The following TENT5D variants were observed in gnomAD, a reference collection of about 807,000 sequenced individuals.
TENT5D encodes the protein cancer/testis antigen 112.
For synonymous variants in TENT5D, 103 were observed against 100.6 expected, an observed-to-expected ratio of 1.02 and a Z score of -0.15; for missense variants, 191 against 287.0, an observed-to-expected ratio of 0.67 and a Z score of 2.42.
At chrX:80,347,986 T>A (rs755008252) in intron 3 of TENT5D, among the ~76,000 whole-genome samples, 1 of 111,577 alleles carries the variant, frequency 9.0e-6, no homozygotes, top group East Asian at 2.8e-4. Context: ...TGGTTGTAGA[T>A]GTGTGGTGTT....
intron 3 of TENT5D, among the ~76,000 whole-genome samples, chrX:80,369,167 G>T (rs1930570769): frequency 9.0e-6 from 1 of 111,536 alleles, no homozygotes; most frequent in Non-Finnish European, 1.9e-5. Flanking sequence ...TTCAATTAGT[G>T]TCTGTTTTCT....
chrX:80,404,771 G>A (rs758650176), intron 3 of TENT5D, among the ~76,000 whole-genome samples: 2 of 111,925 alleles, frequency 1.8e-5, no homozygotes, highest in South Asian at 7.5e-4. Context: ...TTAGATGCAG[G>A]AGTCAAAGCC....
At chrX:80,396,906 AC>A (rs1166522739) in intron 3 of TENT5D, among the ~76,000 whole-genome samples, 8 of 78,732 alleles carry the variant, frequency 1.0e-4, no homozygotes, top group Non-Finnish European at 1.7e-4. Flanking sequence ...CGGGGGGCTG[AC>A]CCCCCCACCT....
intron 3 of TENT5D, among the ~76,000 whole-genome samples, chrX:80,407,367 A>C (rs1327526120): frequency 9.0e-6 from 1 of 110,871 alleles, no homozygotes; most frequent in African/African-American, 3.3e-5. Flanking sequence ...TCTCATGGGC[A>C]GAGACACACA....
At chrX:80,406,183 C>T (rs1211328676) in intron 3 of TENT5D, among the ~76,000 whole-genome samples, 1 of 111,973 alleles carries the variant, frequency 8.9e-6, no homozygotes. Context: ...AACTCTAAAA[C>T]GCAGAGCACC....
intron 1 of TENT5D, among the ~76,000 whole-genome samples, chrX:80,429,770 T>C (rs1379712545): frequency 9.0e-6 from 1 of 111,550 alleles, no homozygotes; most frequent in Non-Finnish European, 1.9e-5. Flanking sequence ...CATAGCCTGC[T>C]TTTGTAGTTT....
chrX:80,350,594 CTT>C (rs1930157379), intron 3 of TENT5D, among the ~76,000 whole-genome samples: 1 of 111,159 alleles, frequency 9.0e-6, no homozygotes, highest in Non-Finnish European at 1.9e-5. Flanking sequence ...GGTCTTGTCT[CTT>C]TATCCAATTT....
intron 2 of TENT5D, among the ~76,000 whole-genome samples, chrX:80,440,698 A>G (rs951666305): frequency 1.8e-5 from 2 of 111,366 alleles, no homozygotes; most frequent in African/African-American, 6.5e-5. Flanking sequence ...GGAAAGGAAA[A>G]TATATATTTG....
At chrX:80,372,122 A>G (rs57302491) in intron 3 of TENT5D, among the ~76,000 whole-genome samples, 13,198 of 110,444 alleles carry the variant, frequency 0.12, 906 homozygotes, top group East Asian at 0.48. Context: ...CAATCAGAAG[A>G]TACTTGCATT....
rs1178275229 is a variant in TENT5D, at chrX:80,389,634, A to G, written c.-142+47070A>G. 5.3e-5 allele frequency among the ~76,000 whole-genome samples: 6 copies of G among 112,499 alleles called. No individual in the cohort carries two copies. The Admixed American group carries it at 5.7e-4, about 11-fold the overall frequency. On this transcript the variant is annotated intron_variant, in intron 3 of 4. Transcript: ENST00000538312. The stretch of plus-strand genomic sequence containing the variant: ...AGAAAACCAGATGAGTGTGGGTCCT[A>G]GAAACCAAGAGAAGAAATTGTTTAG...
At chrX:80,351,496 A>G (rs1569356122) in intron 3 of TENT5D, among the ~76,000 whole-genome samples, 1 of 108,607 alleles carries the variant, frequency 9.2e-6, no homozygotes, top group Non-Finnish European at 1.9e-5. Flanking sequence ...TTTCAGCTCC[A>G]TCAGATCATT....
intron 3 of TENT5D, among the ~76,000 whole-genome samples, chrX:80,407,657 C>G (rs1426194832): frequency 2.8e-5 from 3 of 107,798 alleles, no homozygotes; most frequent in African/African-American, 3.5e-5. Context: ...TAATGGGAGA[C>G]TTTAACACCC....
intron 3 of TENT5D, among the ~76,000 whole-genome samples, chrX:80,364,055 A>G (rs1157321383): frequency 1.8e-5 from 2 of 112,170 alleles, no homozygotes; most frequent in African/African-American, 6.5e-5. Flanking sequence ...GAACTTATTC[A>G]TCTTATAGCT....
At chrX:80,405,373 G>C (rs1358717264) in intron 3 of TENT5D, among the ~76,000 whole-genome samples, 3 of 112,331 alleles carry the variant, frequency 2.7e-5, no homozygotes, top group African/African-American at 9.7e-5. Context: ...GTGCCAGACA[G>C]TGGGCGCAGG....
intron 3 of TENT5D, among the ~76,000 whole-genome samples, chrX:80,352,116 G>T (rs1316709962): frequency 8.9e-6 from 1 of 112,192 alleles, no homozygotes; most frequent in Non-Finnish European, 1.9e-5. Flanking sequence ...CAGTCAGGAG[G>T]CATGAGGGTC....
intron 3 of TENT5D, among the ~76,000 whole-genome samples, chrX:80,366,378 C>A (rs1930511869): frequency 9.0e-6 from 1 of 111,113 alleles, no homozygotes; most frequent in Non-Finnish European, 1.9e-5. Flanking sequence ...ATCTTAATAT[C>A]ATTTACTCTA....
intron 3 of TENT5D, among the ~76,000 whole-genome samples, chrX:80,378,729 T>G (rs981505704): frequency 9.0e-6 from 1 of 111,564 alleles, no homozygotes; most frequent in Non-Finnish European, 1.9e-5. Context: ...TCCAGCTTTG[T>G]TCTTTTGGCT....
intron 3 of TENT5D, among the ~76,000 whole-genome samples, chrX:80,384,325 A>G (rs1366714559): frequency 7.3e-5 from 6 of 81,974 alleles, no homozygotes; most frequent in Admixed American, 3.0e-4. Context: ...GACAAAAACC[A>G]CATGATTATC....
At chrX:80,442,775 G>A (rs1428845173) in exon 3 of TENT5D, 1 of 1,211,419 alleles carries the variant, frequency 8.3e-7, no homozygotes, top group South Asian at 1.8e-5. Flanking sequence ...AATGGAATCA[G>A]CTATAAGGAT....
Sources: allele counts gnomAD v4.1 joint callset (sites outside exome capture counted in the v4.1 genomes callset), GRCh38; gene constraint gnomAD v4.1.1; transcripts MANE v1.5; gene names NCBI Gene and HGNC (gene_info 2026-07-23, HGNC 2026-07-21).